Variants in SCNN1A observed in about 807,000 individuals in gnomAD.
SCNN1A encodes sodium channel epithelial 1 subunit alpha.
Under a neutral mutation model 68.6 loss-of-function variants are expected in SCNN1A, and 65 were observed. The ratio of observed to expected loss-of-function variants is 0.95; its 90% confidence interval spans 0.78 to 1.16. The LOEUF (loss-of-function observed/expected upper bound fraction) is 1.16. Among genes scored for constraint, SCNN1A ranks in the 50% most tolerant of loss-of-function variants. The pLI is 0.00. For missense variants in SCNN1A, 880 were observed against 865.9 expected, an observed-to-expected ratio of 1.02 and a Z score of -0.20; for synonymous variants, 357 against 353.3, an observed-to-expected ratio of 1.01 and a Z score of -0.12.
At chr12:6,361,128 C>T (rs1298464205) in intron 4 of SCNN1A, among the ~76,000 whole-genome samples, 1 of 152,194 alleles carries the variant, frequency 6.6e-6, no homozygotes, top group Non-Finnish European at 1.5e-5. Context: ...TTGATGTAGT[C>T]CAAATGCCTA....
chr12:6,362,285 T>A (rs780652588), intron 3 of SCNN1A, 44 bp from the exon 4 acceptor site: 3 of 1,578,338 alleles, frequency 1.9e-6, no homozygotes, highest in Admixed American at 1.7e-5. Context: ...CAGCCGGGGA[T>A]AAGCCCCTTG....
Position 6,349,403 on chromosome 12 carries a change from A to T in SCNN1A, c.1363T>A (p.Tyr455Asn). ...TCAACCTGGAGCTTATAGTAGCAGTACCCTGTGGGTACAGAGAGATGCCTG... is the reference window on the plus strand; with the variant it reads ...TCAACCTGGAGCTTATAGTAGCAGTTCCCTGTGGGTACAGAGAGATGCCTG... ...CDYRKHSSWG[Y>N]CYYKLQVDFS... is the part of the protein sequence containing the mutation. Residue 455 changes from tyrosine to asparagine, a missense_variant and splice_region_variant, in exon 9 of 13, where the codon TAC (tyrosine) becomes AAC (asparagine). Physicochemically the swap from Tyr to Asn is moderately radical, Grantham distance 143. Transcript: ENST00000228916. 6.3e-7 allele frequency: 1 copy of T among 1,584,662 alleles called. No individual in the cohort carries two copies. The highest frequency in any genetic ancestry group is 8.6e-7 in the Non-Finnish European group (1 of 1,164,722).
Position 6,372,099 on chromosome 12 carries a change from C to T in SCNN1A, c.416+2269G>A, listed in dbSNP as rs1396905455. The stretch of plus-strand genomic sequence containing the variant: ...CAGATCCCTCAATGCCTGCCTTGGC[C>T]TCCCAAAGTGCTGGGATTACAGGCG... On this transcript the variant is annotated intron_variant, in intron 2 of 12. Coordinates refer to ENST00000228916, the MANE Select transcript of SCNN1A (RefSeq NM_001038.6). The surrounding 1 kb of genome is among the most constrained non-coding windows in gnomAD (Gnocchi z 5.8). Among the ~76,000 whole-genome samples, 1 of 152,236 alleles carries T rather than the reference C, an allele frequency of 6.6e-6. No individual in the cohort carries two copies. The highest frequency in any genetic ancestry group is 1.9e-4 in the East Asian group (1 of 5,198).
intron 4 of SCNN1A, among the ~76,000 whole-genome samples, chr12:6,358,001 A>G (rs1311456605): frequency 6.6e-6 from 1 of 152,262 alleles, no homozygotes; most frequent in African/African-American, 2.4e-5. Flanking sequence ...TCCGTCTCCA[A>G]AAGAAAAAAA....
intron 2 of SCNN1A, among the ~76,000 whole-genome samples, chr12:6,368,695 G>A (rs1384924769): frequency 1.9e-4 from 29 of 152,110 alleles, no homozygotes; most frequent in Admixed American, 1.9e-3. Flanking sequence ...CCACCACACT[G>A]CCCTCTGGTC....
chr12:6,348,970 A>G lies in SCNN1A; in HGVS notation c.1533T>C (p.Asn511=). Residue 511 remains asparagine, a synonymous_variant, in exon 11 of 13, where the codon AAT becomes AAC. Coordinates refer to ENST00000228916, the MANE Select transcript of SCNN1A (RefSeq NM_001038.6). ...CTGACCTCTTGTTGTTGACGGTGTA[A>G]TTGTTCTGTCGCGATAGCATCTGGA... ...WVFQMLSRQN[N]YTVNNKRNGV... 6.2e-7 allele frequency: 1 copy of G among 1,613,902 alleles called. No individual in the cohort carries two copies. Among genetic ancestry groups the G allele is most frequent in the Non-Finnish European group, 8.5e-7 (1 of 1,179,986 alleles).
At chr12:6,363,810 C>T in intron 2 of SCNN1A, 100 bp from the exon 3 acceptor site, 1 of 1,213,010 alleles carries the variant, frequency 8.2e-7, no homozygotes. Context: ...GAGGCCGGTC[C>T]ATCCCGGAGA....
rs1355924828 is a variant in SCNN1A at position 6,351,873 on chromosome 12, G to C, written c.1361-2468C>G. Among the ~76,000 whole-genome samples, 3 of 152,082 alleles carry C rather than the reference G, an allele frequency of 2.0e-5. No homozygotes were observed. In the East Asian group the frequency reaches 5.8e-4, roughly 30 times the overall value. ...CTCCTGGGCTCAGGTGATTCTCCCAGCTCAGCCTCCCAAGTGGCTGGGTCT... is the reference window on the plus strand; with the variant it reads ...CTCCTGGGCTCAGGTGATTCTCCCACCTCAGCCTCCCAAGTGGCTGGGTCT... On this transcript the variant is annotated intron_variant, in intron 8 of 12. Transcript: ENST00000228916. The surrounding 1 kb of genome is among the most constrained non-coding windows in gnomAD (Gnocchi z 4.2).
intron 4 of SCNN1A, among the ~76,000 whole-genome samples, chr12:6,361,635 C>A (rs890594410): frequency 6.6e-6 from 1 of 152,140 alleles, no homozygotes; most frequent in Non-Finnish European, 1.5e-5. Flanking sequence ...CCCAGCTACT[C>A]AGGAGGCTGA....
rs114004764 is a variant in SCNN1A at position 6,363,345 on chromosome 12, G to C, written c.684+98C>G. 2.5e-3 allele frequency: 2,738 copies of C among 1,101,266 alleles called. 44 individuals carry two copies. The African/African-American group carries it at 0.04, about 16-fold the overall frequency. 68.2% of individuals were successfully genotyped at this position (1,101,266 alleles called of 1,614,324 possible). A position where few individuals can be genotyped will look rare whatever the true frequency, so the allele number is the denominator to read the frequency against. ...ACGAGGCCCCGCGTGGTGTCACTGG[G>C]CTGCGCGGGCGGGTCAGGAAAGGAG... On this transcript the variant is annotated intron_variant, in intron 3 of 12. Coordinates refer to ENST00000228916, the MANE Select transcript of SCNN1A (RefSeq NM_001038.6).
intron 2 of SCNN1A, among the ~76,000 whole-genome samples, chr12:6,368,496 T>C (rs1254798572): frequency 6.6e-6 from 1 of 152,230 alleles, no homozygotes; most frequent in Admixed American, 6.5e-5. Flanking sequence ...TAGGACAAAC[T>C]TTAAAAATGT....
At chr12:6,356,262 G>T (rs1401690460) in intron 4 of SCNN1A, 4 of 314,352 alleles carry the variant, frequency 1.3e-5, no homozygotes, top group East Asian at 7.5e-5. Context: ...GCATTACAAA[G>T]ATTCTTGCAT....
rs3764873 is a variant in SCNN1A at position 6,349,176 on chromosome 12, C to T, written c.1485G>A (p.Ser495=). Residue 495 remains serine (S), a synonymous_variant, in exon 10 of 13, where the codon TCG becomes TCA. Transcript: ENST00000228916. ...QLSAGYSRWP[S]VTSQEWVFQM... is the part of the protein sequence containing the mutation. ...CCCCACACTCTACCTGGGATGTCACCGAGGGCCATCGTGAGTAACCAGCAG... is the reference window on the plus strand; with the variant it reads ...CCCCACACTCTACCTGGGATGTCACTGAGGGCCATCGTGAGTAACCAGCAG... The T allele has an allele frequency of 9.3e-6, 15 of 1,613,918 alleles. No homozygotes were observed. The highest frequency in any genetic ancestry group is 1.7e-4 in the Middle Eastern group (1 of 6,040).
rs140329178 is a variant in SCNN1A at position 6,357,547 on chromosome 12, C to T, written c.876-1667G>A. On this transcript the variant is annotated intron_variant, in intron 4 of 12. Coordinates refer to ENST00000228916, the MANE Select transcript of SCNN1A (RefSeq NM_001038.6). ...TGCACCACTGCACACTACAGCGAGA[C>T]TCTGTCTCAAAAAAAAAAATAGTAA... Among the ~76,000 whole-genome samples, 17 of 140,742 alleles carry T rather than the reference C, an allele frequency of 1.2e-4. No homozygotes were observed. In the East Asian group the frequency reaches 3.4e-3, roughly 28 times the overall value. 92.3% of individuals were successfully genotyped at this position (140,742 alleles called of 152,430 possible).
At chr12:6,348,518 T>C (rs1248517826) in intron 12 of SCNN1A, among the ~76,000 whole-genome samples, 2 of 142,886 alleles carry the variant, frequency 1.4e-5, no homozygotes, top group Admixed American at 1.4e-4. Flanking sequence ...AGCATGCCTG[T>C]CCCTCCCACC....
chr12:6,352,141 C>A (rs528675228), intron 8 of SCNN1A, among the ~76,000 whole-genome samples: 7 of 152,022 alleles, frequency 4.6e-5, no homozygotes, highest in African/African-American at 1.7e-4. Context: ...ATACTTAAAA[C>A]GTAAAATTAA....
rs780177951 is a variant in SCNN1A, at chr12:6,355,749, G to T, written c.979+28C>A. On this transcript the variant is annotated intron_variant, in intron 5 of 12. Transcript: ENST00000228916. ...CAGGTGAGTGGCTGAAGCAGAGGGC[G>T]CCATGGAGCAAGCAGGGAGCTTCTC... 3.4e-6 allele frequency: 5 copies of T among 1,468,864 alleles called. No homozygotes were observed. In the African/African-American group the frequency reaches 4.2e-5, roughly 12 times the overall value. 91.0% of individuals were successfully genotyped at this position (1,468,864 alleles called of 1,614,324 possible). A position where few individuals can be genotyped will look rare whatever the true frequency, so the allele number is the denominator to read the frequency against.
chr12:6,370,110 T>C (rs1183093285), intron 2 of SCNN1A, among the ~76,000 whole-genome samples: 1 of 152,200 alleles, frequency 6.6e-6, no homozygotes, highest in Admixed American at 6.5e-5. Flanking sequence ...CCATCTGCTC[T>C]GGCAGGCAGC....
chr12:6,363,166 T>C lies in SCNN1A; in HGVS notation c.684+277A>G, dbSNP rs568706249. 1.2e-3 allele frequency among the ~76,000 whole-genome samples: 187 copies of C among 151,356 alleles called. No homozygotes were observed. The Middle Eastern group carries it at 0.021, about 17-fold the overall frequency. On this transcript the variant is annotated intron_variant, in intron 3 of 12. Coordinates refer to ENST00000228916, the MANE Select transcript of SCNN1A (RefSeq NM_001038.6). ...TAATAATAATAATAATAATAAAAGT[T>C]CATTTTCCATAATAAATTTGACTTC...
Sources: allele counts gnomAD v4.1 joint callset (sites outside exome capture counted in the v4.1 genomes callset), GRCh38; gene constraint gnomAD v4.1.1; non-coding constraint Gnocchi (gnomAD v3.1); transcripts MANE v1.5; gene names NCBI Gene and HGNC (gene_info 2026-07-23, HGNC 2026-07-21).